CACNG1: variants seen among roughly 807,000 people sequenced by gnomAD.
The protein encoded by CACNG1 is voltage-dependent calcium channel gamma-1 subunit.
Under a neutral mutation model 22.0 loss-of-function variants are expected in CACNG1, and 21 were observed. That is an observed-to-expected ratio of 0.95 (90% confidence interval 0.68 to 1.37). The LOEUF (loss-of-function observed/expected upper bound fraction) is 1.37, where lower values mean the gene tolerates loss of function less well. Ranked by LOEUF, CACNG1 falls within the 40% of genes most tolerant of loss-of-function variation. The probability of loss-of-function intolerance (pLI) is 0.00; values close to 1 mark genes in which losing one functional copy is unlikely to be tolerated. For synonymous variants in CACNG1, 127 were observed against 129.2 expected, an observed-to-expected ratio of 0.98 and a Z score of 0.12; for missense variants, 291 against 308.6, an observed-to-expected ratio of 0.94 and a Z score of 0.43.
chr17:67,052,675 T>C (rs571850552), intron 1 of CACNG1, among the ~76,000 whole-genome samples: 9 of 152,222 alleles, frequency 5.9e-5, no homozygotes, highest in African/African-American at 2.2e-4. Context: ...AAAAGCAAAC[T>C]AATTTAGTTT....
At chr17:67,051,650 G>A (rs971546196) in intron 1 of CACNG1, among the ~76,000 whole-genome samples, 1 of 152,208 alleles carries the variant, frequency 6.6e-6, no homozygotes, top group African/African-American at 2.4e-5. Flanking sequence ...GAGGAACACT[G>A]TACCTGGACC....
In CACNG1 at chr17:67,054,137, A is replaced by G. The variant is rs1328289689; in HGVS notation, c.304+67A>G. 7 of 1,293,930 alleles carry G rather than the reference A, an allele frequency of 5.4e-6. No homozygotes were observed. Among genetic ancestry groups the G allele is most frequent in the Non-Finnish European group, 6.7e-6 (6 of 888,990 alleles). 80.2% of individuals were successfully genotyped at this position (1,293,930 alleles called of 1,614,324 possible). Reference sequence around the variant, plus strand: ...CTTCTGTGTTGTGCACCACTGGGCCAGAAAGTCATTGGCAAAAGCACTGAC... The same window carrying G: ...CTTCTGTGTTGTGCACCACTGGGCCGGAAAGTCATTGGCAAAAGCACTGAC... On this transcript the variant is annotated intron_variant, in intron 2 of 3. Transcript: ENST00000226021. The surrounding 1 kb of genome is among the most constrained non-coding windows in gnomAD (Gnocchi z 4.6).
intron 1 of CACNG1, among the ~76,000 whole-genome samples, chr17:67,047,092 GGGTT>G (rs1172545812): frequency 6.6e-6 from 1 of 152,072 alleles, no homozygotes; most frequent in African/African-American, 2.4e-5. Context: ...GGGAGGAAGT[GGGTT>G]CATATGTGGC....
chr17:67,044,769 C>A lies in CACNG1; in HGVS notation c.109C>A (p.Pro37Thr). 6.2e-7 allele frequency: 1 copy of A among 1,613,354 alleles called. No homozygotes were observed. Among genetic ancestry groups the A allele is most frequent in the Non-Finnish European group, 8.5e-7 (1 of 1,180,042 alleles). The stretch of plus-strand genomic sequence containing the variant: ...AACCGACCACTGGGCTGTGCTGAGC[C>A]CCCACATGGAGCACCACAACACTAC... ...VVTDHWAVLS[P>T]HMEHHNTTCE... is the part of the protein sequence containing the mutation. The change falls in exon 1 of 4, where the codon CCC becomes ACC. Residue 37 changes from proline (P) to threonine (T), a missense_variant. Coordinates refer to ENST00000226021, the MANE Select transcript of CACNG1 (RefSeq NM_000727.4). This position sits in a 1 kb window ranked among gnomAD's most constrained non-coding sequence, Gnocchi z 6.9.
rs2035745790 is a variant in CACNG1, at chr17:67,054,346, G to C, written c.304+276G>C. Reference sequence around the variant, plus strand: ...AGGCCCCTACACAAGGGCAGCTGTTGTGACGGGAGGTGTGGATGTGGAACA... The same window carrying C: ...AGGCCCCTACACAAGGGCAGCTGTTCTGACGGGAGGTGTGGATGTGGAACA... On this transcript the variant is annotated intron_variant, in intron 2 of 3. Transcript: ENST00000226021. This position sits in a 1 kb window ranked among gnomAD's most constrained non-coding sequence, Gnocchi z 4.6. Among the ~76,000 whole-genome samples the C allele has an allele frequency of 6.6e-6, 1 of 152,192 alleles. No individual in the cohort carries two copies. Among genetic ancestry groups the C allele is most frequent in the South Asian group, 2.1e-4 (1 of 4,820 alleles).
At chr17:67,051,138 C>T (rs2035725845) in intron 1 of CACNG1, among the ~76,000 whole-genome samples, 1 of 152,302 alleles carries the variant, frequency 6.6e-6, no homozygotes, top group African/African-American at 2.4e-5. Flanking sequence ...CTCCTCTTGA[C>T]CCATGACTAA....
chr17:67,055,091 T>C lies in CACNG1; in HGVS notation c.305-12T>C. On this transcript the variant is annotated splice_polypyrimidine_tract_variant and intron_variant, in intron 2 of 3. Transcript: ENST00000226021. The surrounding 1 kb of genome is among the most constrained non-coding windows in gnomAD (Gnocchi z 4.5). ...GCTGAGGCCGCATGCTGGGTGTCCC[T>C]TGTGTTTGCAGAGTACAGCATCTCG... 2 of 1,611,116 alleles carry C rather than the reference T, an allele frequency of 1.2e-6. No homozygotes were observed. The highest frequency in any genetic ancestry group is 1.7e-6 in the Non-Finnish European group (2 of 1,177,882).
chr17:67,048,308 CAAAA>C (rs377751953), intron 1 of CACNG1, among the ~76,000 whole-genome samples: 4 of 110,420 alleles, frequency 3.6e-5, no homozygotes, highest in African/African-American at 1.0e-4. Context: ...CTGTCCCTAC[CAAAA>C]AAAAAAAAAA....
At chr17:67,050,889 G>A (rs1227415506) in intron 1 of CACNG1, among the ~76,000 whole-genome samples, 1 of 152,156 alleles carries the variant, frequency 6.6e-6, no homozygotes, top group Non-Finnish European at 1.5e-5. Context: ...CAGAAATAAG[G>A]AGATTAAAAT....
intron 1 of CACNG1, among the ~76,000 whole-genome samples, chr17:67,052,465 A>C (rs1038072922): frequency 1.3e-5 from 2 of 152,180 alleles, no homozygotes; most frequent in Non-Finnish European, 2.9e-5. Flanking sequence ...CTTCATCCCA[A>C]AGAAAAGCCT....
In CACNG1 at chr17:67,056,008, C is replaced by T. The variant is rs776551009; in HGVS notation, c.443-37C>T. The T allele has an allele frequency of 2.6e-6, 4 of 1,560,218 alleles. No individual in the cohort carries two copies. The highest frequency in any genetic ancestry group is 4.5e-5 in the East Asian group (2 of 44,602). On this transcript the variant is annotated intron_variant, in intron 3 of 3. Coordinates refer to ENST00000226021, the MANE Select transcript of CACNG1 (RefSeq NM_000727.4). This position sits in a 1 kb window ranked among gnomAD's most constrained non-coding sequence, Gnocchi z 4.3. ...ATGGGGCTGGTGGCTACGGCAGACG[C>T]CCCTCGGTCCCTGAGCATGCCTGGC...
At chr17:67,053,048 C>G (rs2035737071) in intron 1 of CACNG1, among the ~76,000 whole-genome samples, 1 of 152,174 alleles carries the variant, frequency 6.6e-6, no homozygotes, top group Non-Finnish European at 1.5e-5. Context: ...CTGAGCCCCT[C>G]CCCTCTCCCT....
Position 67,056,215 on chromosome 17 carries a change from C to A in CACNG1, c.613C>A (p.Pro205Thr), listed in dbSNP as rs756311199. ...TCTCGCCCTCCTGCTGTTCTCCCTG[C>A]CTCGAATGCCCCGGAACCCATGGGA... Reference protein sequence around the residue: ...GGLALLLFSLPRMPRNPWESC... With the variant: ...GGLALLLFSLTRMPRNPWESC... The change falls in exon 4 of 4, where the codon CCT becomes ACT. Residue 205 changes from proline (P) to threonine (T), a missense_variant. Transcript: ENST00000226021. The surrounding 1 kb of genome is among the most constrained non-coding windows in gnomAD (Gnocchi z 4.3). The A allele has an allele frequency of 9.9e-6, 16 of 1,613,910 alleles. No individual in the cohort carries two copies. Among genetic ancestry groups the A allele is most frequent in the Non-Finnish European group, 1.3e-5 (15 of 1,180,018 alleles).
Position 67,054,076 on chromosome 17 carries a change from C to T in CACNG1, c.304+6C>T, listed in dbSNP as rs1298670784. ...CGAATTCACCACTCAGAAGGGTGAG[C>T]CTGGGTGGAAAGGGGTCTGGGGTGA... is the stretch of plus-strand genomic sequence containing the variant. On this transcript the variant is annotated splice_donor_region_variant and intron_variant, in intron 2 of 3. Transcript: ENST00000226021. This position sits in a 1 kb window ranked among gnomAD's most constrained non-coding sequence, Gnocchi z 4.6. 6.2e-7 allele frequency: 1 copy of T among 1,612,342 alleles called. No individual in the cohort carries two copies. The highest frequency in any genetic ancestry group is 1.1e-5 in the South Asian group (1 of 91,056).
rs1304557635 is a variant in CACNG1 at position 67,054,008 on chromosome 17, C to T, written c.242C>T (p.Ser81Phe). The T allele has an allele frequency of 1.2e-6, 2 of 1,613,946 alleles. No individual in the cohort carries two copies. The highest frequency in any genetic ancestry group is 1.7e-6 in the Non-Finnish European group (2 of 1,179,810). ...PITLPGEKNC[S>F]YFRHFNPGES... ...TCCTCCTTTGCAGAGAAGAACTGTT[C>T]CTACTTCAGGCATTTTAACCCCGGC... Residue 81 changes from serine (S) to phenylalanine (F), a missense_variant, in exon 2 of 4, where the codon TCC becomes TTC. By Grantham distance (155) the Ser-to-Phe change is radical (BLOSUM62 -2). Coordinates refer to ENST00000226021, the MANE Select transcript of CACNG1 (RefSeq NM_000727.4). This position sits in a 1 kb window ranked among gnomAD's most constrained non-coding sequence, Gnocchi z 4.6.
In CACNG1 at chr17:67,054,900, GAC is replaced by G. The variant is rs773792334; in HGVS notation, c.305-195_305-194del. On this transcript the variant is annotated intron_variant, in intron 2 of 3. Coordinates refer to ENST00000226021, the MANE Select transcript of CACNG1 (RefSeq NM_000727.4). The surrounding 1 kb of genome is among the most constrained non-coding windows in gnomAD (Gnocchi z 4.6). ...CTGACACATATGCATGACACACAAT[GAC>G]ACACACAGACACTGACACACACACA... Among the ~76,000 whole-genome samples, 3 of 146,560 alleles carry G rather than the reference GAC, an allele frequency of 2.0e-5. No individual in the cohort carries two copies. Among genetic ancestry groups the G allele is most frequent in the East Asian group, 4.0e-4 (2 of 5,056 alleles).
rs1409216891 is a variant in CACNG1 at position 67,044,600 on chromosome 17, C to G, written c.-61C>G. On this transcript the variant is annotated 5_prime_UTR_variant, in exon 1 of 4. Transcript: ENST00000226021. The surrounding 1 kb of genome is among the most constrained non-coding windows in gnomAD (Gnocchi z 6.9). ...GCCACCCCCCAAGCTCGGCTTGTCA[C>G]CTGCCCTAGGAGACGCAGCCGCCGG... 1.7e-6 allele frequency: 2 copies of G among 1,147,496 alleles called. No individual in the cohort carries two copies. The highest frequency in any genetic ancestry group is 1.3e-6 in the Non-Finnish European group (1 of 777,790). 71.1% of individuals were successfully genotyped at this position (1,147,496 alleles called of 1,614,324 possible).
intron 1 of CACNG1, among the ~76,000 whole-genome samples, chr17:67,047,254 C>T (rs1007733025): frequency 6.6e-6 from 1 of 152,128 alleles, no homozygotes; most frequent in Non-Finnish European, 1.5e-5. Context: ...AAATAATCTT[C>T]TCCATAATAG....
rs1474537280 is a variant in CACNG1 at position 67,054,863 on chromosome 17, CAG to C, written c.305-236_305-235del. 2.6e-5 allele frequency among the ~76,000 whole-genome samples: 4 copies of C among 151,362 alleles called. No individual in the cohort carries two copies. Among genetic ancestry groups the C allele is most frequent in the East Asian group, 1.9e-4 (1 of 5,156 alleles). Reference sequence around the variant, plus strand: ...TGACACACACGTACAATGACAGACACAGAGACACACACTGACACATATGCATG... The same window carrying C: ...TGACACACACGTACAATGACAGACACAGACACACACTGACACATATGCATG... On this transcript the variant is annotated intron_variant, in intron 2 of 3. Transcript: ENST00000226021. The surrounding 1 kb of genome is among the most constrained non-coding windows in gnomAD (Gnocchi z 4.6).
Sources: gnomAD v4.1 joint callset for allele counts (sites outside exome capture counted in the v4.1 genomes callset) on GRCh38, gnomAD v4.1.1 for gene constraint, Gnocchi (gnomAD v3.1) non-coding constraint, MANE v1.5 for transcripts, NCBI Gene and HGNC (gene_info 2026-07-23, HGNC 2026-07-21) for gene names.